The following FAT3 variants were observed in gnomAD, a reference collection of about 807,000 sequenced individuals.
FAT3 encodes FAT atypical cadherin 3.
A neutral mutation model predicts 310.2 loss-of-function variants in FAT3; 95 were observed. That is an observed-to-expected ratio of 0.31 (90% CI 0.26 to 0.36). FAT3 has a LOEUF of 0.36. Among genes scored for constraint, FAT3 ranks in the 10% least tolerant of loss-of-function variants. FAT3 has a pLI of 1.00. For synonymous variants in FAT3, 2,314 were observed against 2,192.9 expected (o/e 1.06, Z -1.54); for missense variants, 5,408 against 5,715.6 (o/e 0.95, Z 1.74).
At chr11:92,423,497 C>T (rs909217109) in intron 2 of FAT3, among the ~76,000 whole-genome samples, 5 of 152,096 alleles carry the variant, frequency 3.3e-5, no homozygotes, top group African/African-American at 9.7e-5. Flanking sequence ...TTATCATCCA[C>T]GATGTGTTTC....
intron 2 of FAT3, among the ~76,000 whole-genome samples, chr11:92,460,217 C>T (rs897789790): frequency 6.6e-6 from 1 of 152,032 alleles, no homozygotes; most frequent in African/African-American, 2.4e-5. Context: ...ATTGAATCCA[C>T]GTATTAAAGA....
chr11:92,447,583 TAAC>T (rs1951251235), intron 2 of FAT3, among the ~76,000 whole-genome samples: 1 of 152,112 alleles, frequency 6.6e-6, no homozygotes, highest in Admixed American at 6.5e-5. Flanking sequence ...CAAAGTAAGG[TAAC>T]ACCTGTATAT....
At chr11:92,509,024 A>G (rs1953203414) in intron 2 of FAT3, among the ~76,000 whole-genome samples, 1 of 152,202 alleles carries the variant, frequency 6.6e-6, no homozygotes, top group African/African-American at 2.4e-5. Flanking sequence ...TTTCAGCACT[A>G]TCTTTCTATC....
Position 92,744,369 on chromosome 11 carries a change from T to C in FAT3, c.3670-17487T>C, listed in dbSNP as rs140846717. Among the ~76,000 whole-genome samples the C allele has an allele frequency of 4.0e-3, 607 of 152,316 alleles. 3 individuals carry two copies. The highest frequency in any genetic ancestry group is 0.014 in the African/African-American group (571 of 41,568). On this transcript the variant is annotated intron_variant, in intron 4 of 27. Coordinates refer to ENST00000525166, the MANE Select transcript of FAT3 (RefSeq NM_001367949.2). ...GTACATACTGTCATTGCAGAGAGAT[T>C]GTTATCAAGACCTCAAACCAAGGGT...
At chr11:92,232,166 C>A (rs1864211742) in intron 1 of FAT3, among the ~76,000 whole-genome samples, 1 of 151,850 alleles carries the variant, frequency 6.6e-6, no homozygotes, top group African/African-American at 2.4e-5. Flanking sequence ...AACTTCACTG[C>A]AAAGAAATGT....
At chr11:92,308,036 A>AT (rs1947185552) in intron 1 of FAT3, among the ~76,000 whole-genome samples, 1 of 151,898 alleles carries the variant, frequency 6.6e-6, no homozygotes, top group African/African-American at 2.4e-5. Context: ...TAACAGCAAC[A>AT]TTTTTTCCTG....
intron 2 of FAT3, among the ~76,000 whole-genome samples, chr11:92,397,115 A>T (rs920854138): frequency 6.6e-6 from 1 of 152,182 alleles, no homozygotes; most frequent in Non-Finnish European, 1.5e-5. Flanking sequence ...CAGGAATTTC[A>T]TGACACCTCA....
At chr11:92,559,644 G>A (rs1955152603) in intron 3 of FAT3, 1 of 165,414 alleles carries the variant, frequency 6.0e-6, no homozygotes. Flanking sequence ...CCCAAGCACT[G>A]GAATTACAGG....
chr11:92,866,888 A>G lies in FAT3; in HGVS notation c.11806A>G (p.Ser3936Gly). The change falls in exon 22 of 28, where the codon AGC becomes GGC. Residue 3936 changes from serine (S) to glycine (G), a missense_variant. Coordinates refer to ENST00000525166, the MANE Select transcript of FAT3 (RefSeq NM_001367949.2). Reference sequence around the variant, plus strand: ...TTTCACGAGCCTGTCCCTGGATGACAGCTACGTGGAGCGGCGCCGGGCGCC... The same window carrying G: ...TTTCACGAGCCTGTCCCTGGATGACGGCTACGTGGAGCGGCGCCGGGCGCC... ...RNFTSLSLDD[S>G]YVERRRAPLY... 1.2e-6 allele frequency: 2 copies of G among 1,613,994 alleles called. No homozygotes were observed. The highest frequency in any genetic ancestry group is 1.7e-6 in the Non-Finnish European group (2 of 1,179,884).
chr11:92,462,681 T>A (rs1485737411), intron 2 of FAT3, among the ~76,000 whole-genome samples: 1 of 152,184 alleles, frequency 6.6e-6, no homozygotes, highest in Non-Finnish European at 1.5e-5. Context: ...TTACCAAGAT[T>A]TATTTCTTTG....
chr11:92,837,817 C>A lies in FAT3; in HGVS notation c.10368+11C>A. ...ACTGCTGTGATTCAGGTGAGAAAATCTTGCCTGCCAAGCACTTGTCCCTTT... is the reference window on the plus strand; with the variant it reads ...ACTGCTGTGATTCAGGTGAGAAAATATTGCCTGCCAAGCACTTGTCCCTTT... On this transcript the variant is annotated intron_variant, in intron 17 of 27. Coordinates refer to ENST00000525166, the MANE Select transcript of FAT3 (RefSeq NM_001367949.2). 6.2e-7 allele frequency: 1 copy of A among 1,613,906 alleles called. No individual in the cohort carries two copies. Among genetic ancestry groups the A allele is most frequent in the African/African-American group, 1.3e-5 (1 of 75,046 alleles).
intron 1 of FAT3, among the ~76,000 whole-genome samples, chr11:92,286,995 C>G (rs1244489195): frequency 2.6e-5 from 4 of 152,132 alleles, no homozygotes; most frequent in Non-Finnish European, 2.9e-5. Context: ...CTTCACCACC[C>G]AGAATGGTGC....
intron 2 of FAT3, among the ~76,000 whole-genome samples, chr11:92,474,132 A>T (rs1951984858): frequency 6.6e-6 from 1 of 152,218 alleles, no homozygotes; most frequent in African/African-American, 2.4e-5. Context: ...ACAGCTTCTT[A>T]TAAACCCTGT....
intron 3 of FAT3, among the ~76,000 whole-genome samples, chr11:92,664,185 C>G (rs1191860889): frequency 1.3e-5 from 2 of 152,202 alleles, no homozygotes; most frequent in African/African-American, 4.8e-5. Context: ...TGGATTCTTT[C>G]CTTTGTTGCC....
chr11:92,832,656 C>A (rs1191721067), intron 14 of FAT3, among the ~76,000 whole-genome samples: 1 of 152,082 alleles, frequency 6.6e-6, no homozygotes, highest in Non-Finnish European at 1.5e-5. Context: ...ATTTGTATTC[C>A]AAGAACAAGA....
intron 2 of FAT3, among the ~76,000 whole-genome samples, chr11:92,475,824 A>T (rs1389796543): frequency 6.6e-6 from 1 of 152,202 alleles, no homozygotes; most frequent in Non-Finnish European, 1.5e-5. Flanking sequence ...TAGAATCATG[A>T]TCAAATATAA....
At chr11:92,553,016 G>A (rs528724117) in intron 3 of FAT3, among the ~76,000 whole-genome samples, 66 of 151,208 alleles carry the variant, frequency 4.4e-4, no homozygotes, top group African/African-American at 1.6e-3. Flanking sequence ...AAATATGGAA[G>A]GAAATAGAGG....
rs1949812692 is a variant in FAT3 at position 92,887,093 on chromosome 11, C to A, written c.13031C>A (p.Ser4344Ter). The change falls in exon 25 of 28, where the codon TCA (serine) becomes TAA (stop). Residue 4344 changes from serine (S) to a stop codon, truncating the protein, a stop_gained. Coordinates refer to ENST00000525166, the MANE Select transcript of FAT3 (RefSeq NM_001367949.2). LOFTEE classifies it high-confidence loss of function. The part of the protein sequence containing the change: ...SEVQSLSSFQ[S>*]DSGDDNASIV... ...GTTCAGTCCCTCAGCTCCTTCCAGTCAGATTCTGGTGACGACAATGGTAAG... is the reference window on the plus strand; with the variant it reads ...GTTCAGTCCCTCAGCTCCTTCCAGTAAGATTCTGGTGACGACAATGGTAAG... 1 of 1,611,018 alleles carries A rather than the reference C, an allele frequency of 6.2e-7. No individual in the cohort carries two copies. The highest frequency in any genetic ancestry group is 1.1e-5 in the South Asian group (1 of 89,826).
At chr11:92,489,370 C>T (rs1952532240) in intron 2 of FAT3, among the ~76,000 whole-genome samples, 1 of 152,066 alleles carries the variant, frequency 6.6e-6, no homozygotes, top group Non-Finnish European at 1.5e-5. Context: ...TGCATTTTTT[C>T]CATCTGGTTG....
Sources: gnomAD v4.1 joint callset for allele counts (sites outside exome capture counted in the v4.1 genomes callset) on GRCh38, gnomAD v4.1.1 for gene constraint, MANE v1.5 for transcripts, NCBI Gene and HGNC (gene_info 2026-07-23, HGNC 2026-07-21) for gene names.